FMNL2: variants seen among roughly 807,000 people sequenced by gnomAD.
FMNL2 encodes formin like 2.
In FMNL2, 51 loss-of-function variants were observed where a neutral mutation model predicts 130.2. That is an observed-to-expected ratio of 0.39 (90% CI 0.31 to 0.49). The LOEUF (loss-of-function observed/expected upper bound fraction) is 0.49, where lower values mean the gene tolerates loss of function less well. Ranked by LOEUF, FMNL2 falls within the 20% of genes least tolerant of loss-of-function variation. The pLI is 0.85. For synonymous variants in FMNL2, 465 were observed against 467.1 expected, an observed-to-expected ratio of 1.00 and a Z score of 0.06; for missense variants, 977 against 1,316.2, an observed-to-expected ratio of 0.74 and a Z score of 3.99.
At chr2:152,475,716 G>A (rs992224042) in intron 1 of FMNL2, among the ~76,000 whole-genome samples, 23 of 152,108 alleles carry the variant, frequency 1.5e-4, no homozygotes, top group African/African-American at 5.5e-4. Context: ...CCAGGCTGGT[G>A]TTGAACACCT....
chr2:152,647,778 G>A lies in FMNL2; in HGVS notation c.3170-18G>A. 1 of 1,611,480 alleles carries A rather than the reference G, an allele frequency of 6.2e-7. No homozygotes were observed. Among genetic ancestry groups the A allele is most frequent in the Non-Finnish European group, 8.5e-7 (1 of 1,177,752 alleles). ...ATTAAAGGTTGCTATTCTCTCACTGGCACTCTCCCCTTTACAGATCTTAGA... is the reference window on the plus strand; with the variant it reads ...ATTAAAGGTTGCTATTCTCTCACTGACACTCTCCCCTTTACAGATCTTAGA... On this transcript the variant is annotated intron_variant, in intron 25 of 25. Coordinates refer to ENST00000288670, the MANE Select transcript of FMNL2 (RefSeq NM_052905.4).
chr2:152,580,212 T>G (rs933779215), intron 8 of FMNL2, among the ~76,000 whole-genome samples: 3 of 152,210 alleles, frequency 2.0e-5, no homozygotes, highest in Non-Finnish European at 1.5e-5. Flanking sequence ...AAAGCTGTTA[T>G]TCCAGAAAAA....
intron 1 of FMNL2, among the ~76,000 whole-genome samples, chr2:152,385,331 T>C (rs1684721799): frequency 6.6e-6 from 1 of 152,212 alleles, no homozygotes; most frequent in Non-Finnish European, 1.5e-5. Flanking sequence ...GAAGGCAGTT[T>C]GTAGGGAGGG....
Position 152,354,182 on chromosome 2 carries a change from T to G in FMNL2, c.117+18462T>G, listed in dbSNP as rs2105787064. On this transcript the variant is annotated intron_variant, in intron 1 of 25. Transcript: ENST00000288670. ...ACAACTGCCATGCTACATATGGTGC[T>G]GTGACCACTGAGCAGCTTGTTCACA... Among the ~76,000 whole-genome samples the G allele has an allele frequency of 1.3e-5, 2 of 152,374 alleles. 1 individual carries two copies. Among genetic ancestry groups the G allele is most frequent in the African/African-American group, 4.8e-5 (2 of 41,596 alleles).
rs1687438613 is a variant in FMNL2, at chr2:152,430,523, A to G, written c.118-91420A>G. ...AGACGTGAACATTGTAATGCAAGTT[A>G]ATGTTTATATACCTACTTTCACTTC... On this transcript the variant is annotated intron_variant, in intron 1 of 25. Transcript: ENST00000288670. Among the ~76,000 whole-genome samples, 3 of 152,174 alleles carry G rather than the reference A, an allele frequency of 2.0e-5. No homozygotes were observed. The South Asian group carries it at 6.2e-4, about 32-fold the overall frequency.
intron 1 of FMNL2, among the ~76,000 whole-genome samples, chr2:152,347,104 T>A (rs144942693): frequency 1.5e-4 from 11 of 75,664 alleles, no homozygotes; most frequent in African/African-American, 3.3e-4. Flanking sequence ...AAAAAAAAAT[T>A]TTTTTTTCAC....
At chr2:152,534,040 A>G (rs1270540622) in intron 2 of FMNL2, among the ~76,000 whole-genome samples, 2 of 152,188 alleles carry the variant, frequency 1.3e-5, no homozygotes, top group African/African-American at 4.8e-5. Context: ...TGGCTTCTGT[A>G]ATAGAAACAA....
chr2:152,374,406 C>A (rs1304934871), intron 1 of FMNL2, among the ~76,000 whole-genome samples: 1 of 152,092 alleles, frequency 6.6e-6, no homozygotes, highest in Non-Finnish European at 1.5e-5. Context: ...CTTTAGCACG[C>A]AGATTTTCTT....
rs1365634611 is a variant in FMNL2 at position 152,649,739 on chromosome 2, A to ATATT, written c.*1835_*1838dup. The ATATT allele has an allele frequency of 1.3e-5, 2 of 152,672 alleles. No homozygotes were observed. Among genetic ancestry groups the ATATT allele is most frequent in the South Asian group, 2.1e-4 (1 of 4,832 alleles). The allele number at this position is 152,672 out of a possible 1,614,324, so 9.5% of individuals were successfully genotyped here. On this transcript the variant is annotated 3_prime_UTR_variant, in exon 26 of 26. Coordinates refer to ENST00000288670, the MANE Select transcript of FMNL2 (RefSeq NM_052905.4). ...CTATTAATGGGCCTGCTTCTTAGCA[A>ATATT]TATTAGAATGTTTTATAAAAGCAAT...
intron 1 of FMNL2, among the ~76,000 whole-genome samples, chr2:152,356,729 C>T (rs558325069): frequency 3.2e-4 from 26 of 80,140 alleles, no homozygotes; most frequent in East Asian, 1.1e-3. Flanking sequence ...ACACTTTTTG[C>T]ACTTTTGTGC....
At chr2:152,372,042 A>G (rs1683914939) in intron 1 of FMNL2, among the ~76,000 whole-genome samples, 1 of 152,212 alleles carries the variant, frequency 6.6e-6, no homozygotes, top group Admixed American at 6.5e-5. Context: ...AAATAAATGG[A>G]GCCAGGTGAC....
At chr2:152,422,817 C>T (rs561791020) in intron 1 of FMNL2, among the ~76,000 whole-genome samples, 16 of 152,288 alleles carry the variant, frequency 1.1e-4, no homozygotes, top group Admixed American at 4.6e-4. Context: ...CGTGAGCCAC[C>T]GCAACCGGCC....
chr2:152,586,083 C>T (rs1697059428), intron 9 of FMNL2, among the ~76,000 whole-genome samples: 1 of 152,170 alleles, frequency 6.6e-6, no homozygotes, highest in Non-Finnish European at 1.5e-5. Flanking sequence ...ACCTGGAATT[C>T]ATCAGGATTT....
intron 1 of FMNL2, among the ~76,000 whole-genome samples, chr2:152,394,363 C>T (rs6434003): frequency 0.94 from 143,516 of 152,196 alleles, 67,880 homozygotes; most frequent in East Asian, 1. Context: ...TTGTGGGTTG[C>T]TTTTGAATCC....
intron 9 of FMNL2, among the ~76,000 whole-genome samples, chr2:152,592,883 C>T (rs13414680): frequency 0.02 from 3,025 of 152,188 alleles, 97 homozygotes; most frequent in African/African-American, 0.069. Flanking sequence ...AATTTTCCAC[C>T]GAAAAGCAAA....
chr2:152,647,862 A>G lies in FMNL2; in HGVS notation c.3236A>G (p.Asp1079Gly). The G allele has an allele frequency of 6.2e-7, 1 of 1,613,920 alleles. No individual in the cohort carries two copies. The highest frequency in any genetic ancestry group is 8.5e-7 in the Non-Finnish European group (1 of 1,179,838). Residue 1079 changes from aspartate to glycine, a missense_variant, in exon 26 of 26, where the codon GAT becomes GGT. This residue lies in a region of FMNL2 where 168 missense variants were observed against 168.8 expected (regional missense o/e 1.00). Transcript: ENST00000288670. ...VRRSVRRRFDDQNLRSVNGAE... is the reference protein window; with the variant it reads ...VRRSVRRRFDGQNLRSVNGAE... ...AGAAGCGTCAGGCGGCGCTTTGATG[A>G]TCAGAACTTGCGTTCTGTTAATGGT...
At chr2:152,345,101 A>C (rs1486897331) in intron 1 of FMNL2, among the ~76,000 whole-genome samples, 1 of 152,210 alleles carries the variant, frequency 6.6e-6, no homozygotes, top group Admixed American at 6.5e-5. Flanking sequence ...GGATAGTAGC[A>C]ATTATTGTTT....
At chr2:152,409,384 C>T (rs1296808035) in intron 1 of FMNL2, among the ~76,000 whole-genome samples, 1 of 152,108 alleles carries the variant, frequency 6.6e-6, no homozygotes, top group Admixed American at 6.5e-5. Flanking sequence ...GTAATAAAAT[C>T]ATGGTCTCTG....
rs541181419 is a variant in FMNL2, at chr2:152,443,680, G to A, written c.118-78263G>A. On this transcript the variant is annotated intron_variant, in intron 1 of 25. Transcript: ENST00000288670. ...CAACACAGTGAAACCCCGTCTCTACGAAAAATACAAAAGTTAGCCGGGCGT... is the reference window on the plus strand; with the variant it reads ...CAACACAGTGAAACCCCGTCTCTACAAAAAATACAAAAGTTAGCCGGGCGT... Among the ~76,000 whole-genome samples, 37 of 151,904 alleles carry A rather than the reference G, an allele frequency of 2.4e-4. 1 individual carries two copies. The East Asian group carries it at 6.2e-3, about 26-fold the overall frequency.
Sources: allele counts gnomAD v4.1 joint callset (sites outside exome capture counted in the v4.1 genomes callset), GRCh38; gene constraint gnomAD v4.1.1; regional missense constraint gnomAD v4.1.1; transcripts MANE v1.5; gene names NCBI Gene and HGNC (gene_info 2026-07-23, HGNC 2026-07-21).